Variants in UNC5D observed in about 807,000 individuals in gnomAD.
The protein encoded by UNC5D is unc-5 netrin receptor D, also known as netrin receptor UNC5D.
Under a neutral mutation model 105.4 loss-of-function variants are expected in UNC5D, and 39 were observed. The observed-to-expected ratio is 0.37, with a 90% confidence interval of 0.29 to 0.48. The LOEUF (loss-of-function observed/expected upper bound fraction) is 0.48. Ranked by LOEUF, UNC5D falls within the 20% of genes least tolerant of loss-of-function variation. UNC5D has a pLI of 0.98. For synonymous variants in UNC5D, 452 were observed against 450.4 expected (o/e 1.00, Z -0.04); for missense variants, 991 against 1,202.4 (o/e 0.82, Z 2.60).
intron 3 of UNC5D, among the ~76,000 whole-genome samples, chr8:35,580,934 T>C (rs557114107): frequency 6.6e-6 from 1 of 151,860 alleles, no homozygotes; most frequent in African/African-American, 2.4e-5. Flanking sequence ...GGAATAGGAG[T>C]TACAGAGTGA....
chr8:35,378,823 A>G (rs1206628596), intron 1 of UNC5D, among the ~76,000 whole-genome samples: 2 of 152,166 alleles, frequency 1.3e-5, no homozygotes, highest in Non-Finnish European at 2.9e-5. Context: ...TGAGGAATGG[A>G]ACAGGTGTGG....
At chr8:35,432,919 C>G (rs1219414141) in intron 1 of UNC5D, among the ~76,000 whole-genome samples, 1 of 152,104 alleles carries the variant, frequency 6.6e-6, no homozygotes, top group African/African-American at 2.4e-5. Context: ...TTCTGTTACA[C>G]AGGTAAATAG....
chr8:35,487,448 A>G (rs542517028), intron 1 of UNC5D, among the ~76,000 whole-genome samples: 2 of 152,096 alleles, frequency 1.3e-5, no homozygotes, highest in South Asian at 2.1e-4. Context: ...CTCAGAGTGA[A>G]GCTCTTCCCT....
intron 1 of UNC5D, among the ~76,000 whole-genome samples, chr8:35,252,663 C>G (rs1051872688): frequency 1.3e-5 from 2 of 152,010 alleles, no homozygotes; most frequent in African/African-American, 4.8e-5. Flanking sequence ...ATTTTGTTGT[C>G]AGTAAAATTT....
Position 35,790,478 on chromosome 8 carries a change from G to A in UNC5D, c.2777G>A (p.Gly926Glu), listed in dbSNP as rs190943010. 3.7e-6 allele frequency: 6 copies of A among 1,613,850 alleles called. No homozygotes were observed. Among genetic ancestry groups the A allele is most frequent in the Admixed American group, 1.7e-5 (1 of 59,966 alleles). ...CTGGCCTGTGCCCTTGAAGAGATTGGGAGGACACACACGAAACTCTCAAAC... is the reference window on the plus strand; with the variant it reads ...CTGGCCTGTGCCCTTGAAGAGATTGAGAGGACACACACGAAACTCTCAAAC... ...DSLACALEEI[G>E]RTHTKLSNIS... The change falls in exon 17 of 17, where the codon GGG (glycine) becomes GAG (glutamate). Residue 926 changes from glycine to glutamate, a missense_variant. Coordinates refer to ENST00000404895, the MANE Select transcript of UNC5D (RefSeq NM_080872.4).
intron 4 of UNC5D, among the ~76,000 whole-genome samples, chr8:35,603,788 T>C (rs868638494): frequency 1.2e-4 from 18 of 152,246 alleles, no homozygotes; most frequent in South Asian, 8.3e-4. Flanking sequence ...ATCCCTTTAC[T>C]ATTATGTAAT....
chr8:35,364,916 A>G (rs528825722), intron 1 of UNC5D, among the ~76,000 whole-genome samples: 3 of 152,300 alleles, frequency 2.0e-5, no homozygotes, highest in Admixed American at 6.5e-5. Context: ...AAGAAAATCT[A>G]TCTGTGTGAA....
At chr8:35,469,413 G>A (rs1348323540) in intron 1 of UNC5D, among the ~76,000 whole-genome samples, 1 of 152,092 alleles carries the variant, frequency 6.6e-6, no homozygotes, top group African/African-American at 2.4e-5. Flanking sequence ...GAAGTAAATA[G>A]TATCTTCAGA....
intron 1 of UNC5D, among the ~76,000 whole-genome samples, chr8:35,428,612 C>T (rs1447821034): frequency 6.6e-6 from 1 of 152,056 alleles, no homozygotes; most frequent in Non-Finnish European, 1.5e-5. Context: ...CTATGATACA[C>T]ATGCACACTC....
chr8:35,281,178 T>C (rs527793722), intron 1 of UNC5D, among the ~76,000 whole-genome samples: 4 of 152,144 alleles, frequency 2.6e-5, no homozygotes, highest in Admixed American at 2.6e-4. Context: ...AGCCCTTTTT[T>C]CAAATCTTCT....
chr8:35,678,432 A>AT (rs959281405), intron 4 of UNC5D, among the ~76,000 whole-genome samples: 5 of 152,152 alleles, frequency 3.3e-5, no homozygotes, highest in Admixed American at 6.5e-5. Context: ...AATAAAAGAG[A>AT]TTTTTTTTAA....
intron 1 of UNC5D, among the ~76,000 whole-genome samples, chr8:35,374,345 T>G (rs561385009): frequency 6.6e-6 from 1 of 152,248 alleles, no homozygotes; most frequent in South Asian, 2.1e-4. Context: ...AGGAAAGAAA[T>G]GTTAATGAGA....
chr8:35,722,243 C>G lies in UNC5D; in HGVS notation c.1151C>G (p.Ser384Trp). The change falls in exon 9 of 17, where the codon TCG becomes TGG. Residue 384 changes from serine (S) to tryptophan (W), a missense_variant. By Grantham distance (177) the Ser-to-Trp change is radical. Transcript: ENST00000404895. ...IENASDIALY[S>W]GLGAAVVAVA... The stretch of plus-strand genomic sequence containing the variant: ...AATGCCAGCGACATTGCTTTGTACT[C>G]GGGCTTGGGTGCTGCCGTCGTGGCC... 3.7e-6 allele frequency: 6 copies of G among 1,613,982 alleles called. No individual in the cohort carries two copies. The highest frequency in any genetic ancestry group is 4.2e-6 in the Non-Finnish European group (5 of 1,179,958).
intron 2 of UNC5D, among the ~76,000 whole-genome samples, chr8:35,553,157 C>G (rs2130710266): frequency 6.6e-6 from 1 of 152,084 alleles, no homozygotes; most frequent in South Asian, 2.1e-4. Context: ...ATCTTATATC[C>G]CTTCTCATAT....
intron 4 of UNC5D, among the ~76,000 whole-genome samples, chr8:35,652,456 T>C (rs968944218): frequency 8.5e-5 from 13 of 152,252 alleles, no homozygotes; most frequent in Admixed American, 7.2e-4. Context: ...GCCTCCCGTG[T>C]TCCCAAAACA....
intron 4 of UNC5D, among the ~76,000 whole-genome samples, chr8:35,670,085 A>G (rs1364110480): frequency 6.6e-6 from 1 of 152,150 alleles, no homozygotes; most frequent in Non-Finnish European, 1.5e-5. Flanking sequence ...GTTTCAATAG[A>G]GAAGGAGTGG....
At chr8:35,538,397 ATATATATATATATATATAT>A (rs1563513928) in intron 1 of UNC5D, among the ~76,000 whole-genome samples, 13,951 of 46,980 alleles carry the variant, frequency 0.3, 1,003 homozygotes, top group Admixed American at 0.46. Context: ...AAAAATAATT[ATATATATATATATATATAT>A]ATATATATAT....
chr8:35,514,725 C>T (rs1340098858), intron 1 of UNC5D, among the ~76,000 whole-genome samples: 1 of 152,212 alleles, frequency 6.6e-6, no homozygotes, highest in Non-Finnish European at 1.5e-5. Flanking sequence ...TTAAAATTCA[C>T]ATAAGCAGGA....
chr8:35,472,378 T>A (rs1809794160), intron 1 of UNC5D, among the ~76,000 whole-genome samples: 2 of 152,052 alleles, frequency 1.3e-5, no homozygotes, highest in South Asian at 4.2e-4. Context: ...AGAAACTTGA[T>A]AAGTGGTCTT....
Sources: allele counts gnomAD v4.1 joint callset (sites outside exome capture counted in the v4.1 genomes callset), GRCh38; gene constraint gnomAD v4.1.1; transcripts MANE v1.5; gene names NCBI Gene and HGNC (gene_info 2026-07-23, HGNC 2026-07-21).